Variants in KATNAL1 observed in about 807,000 individuals in gnomAD.
KATNAL1 encodes the protein katanin catalytic subunit A1 like 1.
KATNAL1 carries 32 observed loss-of-function variants against 55.2 expected under a neutral mutation model. The ratio of observed to expected loss-of-function variants is 0.58; its 90% CI spans 0.44 to 0.78. The LOEUF (loss-of-function observed/expected upper bound fraction) is 0.78. Ranked by LOEUF, KATNAL1 falls within the 30% of genes least tolerant of loss-of-function variation. The pLI is 0.00. For synonymous variants in KATNAL1, 193 were observed against 193.6 expected (o/e 1.00, Z 0.02); for missense variants, 466 against 600.9 (o/e 0.78, Z 2.35).
At chr13:30,218,456 G>C (rs1030082846) in intron 9 of KATNAL1, among the ~76,000 whole-genome samples, 1 of 151,784 alleles carries the variant, frequency 6.6e-6, no homozygotes, top group African/African-American at 2.4e-5. Context: ...CTATTATTTT[G>C]CCTTCTGTTG....
chr13:30,277,035 T>C (rs1880896838), intron 3 of KATNAL1, among the ~76,000 whole-genome samples: 1 of 152,220 alleles, frequency 6.6e-6, no homozygotes, highest in Non-Finnish European at 1.5e-5. Flanking sequence ...AAGTGACTAA[T>C]AATTATTAGC....
At chr13:30,249,531 T>C (rs974327092) in intron 4 of KATNAL1, among the ~76,000 whole-genome samples, 5 of 152,204 alleles carry the variant, frequency 3.3e-5, no homozygotes, top group Admixed American at 3.3e-4. Flanking sequence ...AGATTTTAAC[T>C]GTGATATACT....
rs1178097653 is a variant in KATNAL1 at position 30,230,457 on chromosome 13, A to C, written c.1012+11T>G. The C allele has an allele frequency of 6.9e-6, 11 of 1,601,750 alleles. No homozygotes were observed. The highest frequency in any genetic ancestry group is 8.5e-6 in the Non-Finnish European group (10 of 1,175,970). On this transcript the variant is annotated intron_variant, in intron 8 of 10. Transcript: ENST00000380615. Reference sequence around the variant, plus strand: ...ATGAGAGTTTTGAAACAATAATTAAATATCAATTACCATCCATCTGAATGA... The same window carrying C: ...ATGAGAGTTTTGAAACAATAATTAACTATCAATTACCATCCATCTGAATGA...
intron 3 of KATNAL1, among the ~76,000 whole-genome samples, chr13:30,271,878 G>GAAAAAAAAAA (rs71299873): frequency 1.4e-4 from 11 of 76,784 alleles, no homozygotes; most frequent in Non-Finnish European, 2.5e-4. Flanking sequence ...AAGAAAAGAG[G>GAAAAAAAAAA]AAAAAAAAAA....
At position 30,208,433 on chromosome 13, in the gene KATNAL1, G is replaced by A. The variant is rs945330657; in HGVS notation, c.*107C>T. On this transcript the variant is annotated 3_prime_UTR_variant, in exon 11 of 11. Coordinates refer to ENST00000380615, the MANE Select transcript of KATNAL1 (RefSeq NM_032116.5). ...TTTTAGATTTTTTTTTCCTTTAAGCGAAAACCACTCCACTGAAAAAAATTC... is the reference window on the plus strand; with the variant it reads ...TTTTAGATTTTTTTTTCCTTTAAGCAAAAACCACTCCACTGAAAAAAATTC... 6.3e-5 allele frequency: 57 copies of A among 902,198 alleles called. No individual in the cohort carries two copies. The highest frequency in any genetic ancestry group is 4.1e-4 in the South Asian group (20 of 49,150). 55.9% of individuals were successfully genotyped at this position (902,198 alleles called of 1,614,324 possible).
intron 1 of KATNAL1, among the ~76,000 whole-genome samples, chr13:30,298,684 T>C (rs541728051): frequency 3.3e-4 from 51 of 152,256 alleles, no homozygotes; most frequent in African/African-American, 1.1e-3. Flanking sequence ...TTAAAATATA[T>C]AGTCACTGAA....
intron 1 of KATNAL1, among the ~76,000 whole-genome samples, chr13:30,300,365 C>T (rs1882783911): frequency 6.6e-6 from 1 of 152,024 alleles, no homozygotes; most frequent in South Asian, 2.1e-4. Flanking sequence ...AAGTAGATGC[C>T]TATTTCAGAA....
At chr13:30,233,981 C>G (rs980128960) in intron 6 of KATNAL1, among the ~76,000 whole-genome samples, 3 of 152,238 alleles carry the variant, frequency 2.0e-5, no homozygotes, top group Non-Finnish European at 4.4e-5. Context: ...GATTAATGAG[C>G]ACAGCTTGAT....
At chr13:30,279,265 G>A (rs1008905492) in intron 3 of KATNAL1, among the ~76,000 whole-genome samples, 1 of 152,148 alleles carries the variant, frequency 6.6e-6, no homozygotes, top group South Asian at 2.1e-4. Context: ...CCCTGCGTTA[G>A]CAATGAAAGT....
At chr13:30,229,250 C>G (rs1020717244) in intron 8 of KATNAL1, among the ~76,000 whole-genome samples, 1 of 151,888 alleles carries the variant, frequency 6.6e-6, no homozygotes, top group African/African-American at 2.4e-5. Context: ...TTGGCTATCT[C>G]TTTCCATGAC....
chr13:30,218,205 A>AATATATATATATATATATATATAT (rs34056263), intron 9 of KATNAL1, among the ~76,000 whole-genome samples: 1 of 139,508 alleles, frequency 7.2e-6, no homozygotes, highest in Admixed American at 7.1e-5. Flanking sequence ...CAGTAAAAGG[A>AATATATATATATATATATATATAT]ATATATATAT....
chr13:30,256,199 T>C (rs1198587578), intron 3 of KATNAL1, among the ~76,000 whole-genome samples: 1 of 152,222 alleles, frequency 6.6e-6, no homozygotes, highest in Non-Finnish European at 1.5e-5. Context: ...TTTGAGAATG[T>C]CTAAAAATCA....
chr13:30,219,642 A>C lies in KATNAL1; in HGVS notation c.1147+7770T>G, dbSNP rs371568640. Among the ~76,000 whole-genome samples, 37 of 152,364 alleles carry C rather than the reference A, an allele frequency of 2.4e-4. No individual in the cohort carries two copies. The East Asian group carries it at 6.7e-3, about 28-fold the overall frequency. On this transcript the variant is annotated intron_variant, in intron 9 of 10. Transcript: ENST00000380615. ...TGAACACTTGTTGATGAATTAATATAGATAAAAGAAAAAGAATGGAGTTCT... is the reference window on the plus strand; with the variant it reads ...TGAACACTTGTTGATGAATTAATATCGATAAAAGAAAAAGAATGGAGTTCT...
chr13:30,227,065 G>A (rs983300282), intron 9 of KATNAL1, among the ~76,000 whole-genome samples: 1 of 151,188 alleles, frequency 6.6e-6, no homozygotes, highest in Non-Finnish European at 1.5e-5. Flanking sequence ...AACAGAATAA[G>A]ACTGTGTCAC....
At chr13:30,245,103 A>C (rs1877656605) in intron 4 of KATNAL1, among the ~76,000 whole-genome samples, 1 of 152,198 alleles carries the variant, frequency 6.6e-6, no homozygotes, top group African/African-American at 2.4e-5. Context: ...CACAACAAAA[A>C]AAGATAATTG....
At chr13:30,277,642 ATTTAT>A (rs1880942121) in intron 3 of KATNAL1, among the ~76,000 whole-genome samples, 1 of 152,210 alleles carries the variant, frequency 6.6e-6, no homozygotes, top group African/African-American at 2.4e-5. Flanking sequence ...CAATCTGAAT[ATTTAT>A]TTTATCAGCC....
chr13:30,231,415 C>A lies in KATNAL1; in HGVS notation c.784G>T (p.Ala262Ser), dbSNP rs1301072558. 1 of 1,606,522 alleles carries A rather than the reference C, an allele frequency of 6.2e-7. No individual in the cohort carries two copies. Among genetic ancestry groups the A allele is most frequent in the Non-Finnish European group, 8.5e-7 (1 of 1,176,434 alleles). ...TGKTMLAKAV[A>S]TECGTTFFNV... is the part of the protein sequence containing the mutation. ...AAGAATGTTGTACCACATTCAGTGG[C>A]AACAGCTTTAGCTAGCATAGTTTTA... Residue 262 changes from alanine to serine, a missense_variant, in exon 7 of 11, where the codon GCC (alanine) becomes TCC (serine). Physicochemically the swap from Ala to Ser is moderately conservative, Grantham distance 99. This residue lies in a region of KATNAL1 where 213 missense variants were observed against 308.6 expected (regional missense o/e 0.69). Coordinates refer to ENST00000380615, the MANE Select transcript of KATNAL1 (RefSeq NM_032116.5).
rs142887957 is a variant in KATNAL1 at position 30,245,111 on chromosome 13, T to C, written c.493-4025A>G. On this transcript the variant is annotated intron_variant, in intron 4 of 10. Coordinates refer to ENST00000380615, the MANE Select transcript of KATNAL1 (RefSeq NM_032116.5). ...GCAGAGTCACAACAAAAAAAGATAA[T>C]TGCAGGCCAATATTCCCGATGAACA... 3.3e-3 allele frequency among the ~76,000 whole-genome samples: 494 copies of C among 151,676 alleles called. 2 individuals are homozygous for C. Among genetic ancestry groups the C allele is most frequent in the African/African-American group, 0.011 (453 of 41,358 alleles).
At chr13:30,223,270 TCTA>T (rs375260147) in intron 9 of KATNAL1, among the ~76,000 whole-genome samples, 5,086 of 150,616 alleles carry the variant, frequency 0.034, 143 homozygotes, top group Non-Finnish European at 0.052. Flanking sequence ...AAACTCCGTC[TCTA>T]CTACTAAAAA....
Sources: gnomAD v4.1 joint callset for allele counts (sites outside exome capture counted in the v4.1 genomes callset) on GRCh38, gnomAD v4.1.1 for gene constraint, gnomAD v4.1.1 regional missense constraint, MANE v1.5 for transcripts, NCBI Gene and HGNC (gene_info 2026-07-23, HGNC 2026-07-21) for gene names.